NCOA1: variants seen among roughly 807,000 people sequenced by gnomAD.
NCOA1 encodes the protein Hin-2 protein.
A neutral mutation model predicts 150.9 loss-of-function variants in NCOA1; 35 were observed. The ratio of observed to expected loss-of-function variants is 0.23; its 90% confidence interval spans 0.18 to 0.31. NCOA1 has a LOEUF of 0.31. Among genes scored for constraint, NCOA1 ranks in the 10% least tolerant of loss-of-function variants. The probability of loss-of-function intolerance (pLI) is 1.00; values close to 1 mark genes in which losing one functional copy is unlikely to be tolerated. For synonymous variants in NCOA1, 590 were observed against 630.0 expected (o/e 0.94, Z 0.95); for missense variants, 1,491 against 1,749.3 (o/e 0.85, Z 2.63).
At chr2:24,512,243 TATATTA>T (rs1236893786) in intron 1 of NCOA1, among the ~76,000 whole-genome samples, 1 of 152,200 alleles carries the variant, frequency 6.6e-6, no homozygotes, top group Non-Finnish European at 1.5e-5. Flanking sequence ...ATACAATAGT[TATATTA>T]AGAAGTCTTA....
At chr2:24,614,196 A>ATTTTTTTTTTTTTTTTTTTTTT (rs1558840251) in intron 3 of NCOA1, among the ~76,000 whole-genome samples, 1 of 13,160 alleles carries the variant, frequency 7.6e-5, no homozygotes, top group African/African-American at 2.1e-4. Context: ...ATTCATTTCC[A>ATTTTTTTTTTTTTTTTTTTTTT]TTCTTTTTTT....
At chr2:24,572,899 CGTAGGTTATTGATAAGAGAT>C (rs965977478) in intron 2 of NCOA1, among the ~76,000 whole-genome samples, 3 of 151,976 alleles carry the variant, frequency 2.0e-5, no homozygotes, top group Admixed American at 1.3e-4. Flanking sequence ...TTGGGGGGCC[CGTAGGTTATTGATAAGAGAT>C]AAAACATATT....
intron 3 of NCOA1, among the ~76,000 whole-genome samples, chr2:24,616,250 C>G (rs1668867689): frequency 6.6e-6 from 1 of 152,126 alleles, no homozygotes; most frequent in Non-Finnish European, 1.5e-5. Flanking sequence ...GCACATTTCC[C>G]TTTTCCTACC....
rs1352529550 is a variant in NCOA1 at position 24,769,831 on chromosome 2, T to G, written c.*1440T>G. 4.5e-6 allele frequency: 1 copy of G among 223,312 alleles called. No homozygotes were observed. The highest frequency in any genetic ancestry group is 2.2e-5 in the African/African-American group (1 of 44,748). 13.8% of individuals were successfully genotyped at this position (223,312 alleles called of 1,614,324 possible). ...AAAGGTATTGTGGAAGAAGCAAAGGTAGACCCCCATCACTCACCTTTGTCT... is the reference window on the plus strand; with the variant it reads ...AAAGGTATTGTGGAAGAAGCAAAGGGAGACCCCCATCACTCACCTTTGTCT... On this transcript the variant is annotated 3_prime_UTR_variant, in exon 23 of 23. Coordinates refer to ENST00000348332, the MANE Select transcript of NCOA1 (RefSeq NM_003743.5).
At chr2:24,565,628 A>C (rs528030845) in intron 2 of NCOA1, among the ~76,000 whole-genome samples, 330 of 152,056 alleles carry the variant, frequency 2.2e-3, no homozygotes, top group African/African-American at 7.7e-3. Context: ...CCTTTGCCTG[A>C]GTTTTGCTTG....
chr2:24,570,108 G>T (rs184967737), intron 2 of NCOA1, among the ~76,000 whole-genome samples: 1 of 145,484 alleles, frequency 6.9e-6, no homozygotes, highest in East Asian at 2.0e-4. Context: ...AAATCAGTGA[G>T]AAGTCTTGCT....
chr2:24,563,542 A>G lies in NCOA1; in HGVS notation c.-395-753A>G, dbSNP rs190198847. Among the ~76,000 whole-genome samples the G allele has an allele frequency of 8.6e-3, 1,312 of 151,776 alleles. 23 individuals carry two copies. Among genetic ancestry groups the G allele is most frequent in the African/African-American group, 0.03 (1,234 of 41,354 alleles). ...TCTCTCTTTTTTTTTTTTTGAGACA[A>G]GATCTCACTCTTTCACCCAGGTTGG... On this transcript the variant is annotated intron_variant, in intron 1 of 22. Coordinates refer to ENST00000348332, the MANE Select transcript of NCOA1 (RefSeq NM_003743.5).
rs529646061 is a variant in NCOA1, at chr2:24,535,719, G to A, written c.-395-28576G>A. 1.4e-3 allele frequency among the ~76,000 whole-genome samples: 206 copies of A among 152,264 alleles called. 4 individuals carry two copies. The highest frequency in any genetic ancestry group is 4.7e-3 in the African/African-American group (196 of 41,550). On this transcript the variant is annotated intron_variant, in intron 1 of 22. Coordinates refer to ENST00000348332, the MANE Select transcript of NCOA1 (RefSeq NM_003743.5). ...TTCCTTCACTTATGAAGCTTAGTTTGGCTGGATATGAAATTCTGGGTTGAA... is the reference window on the plus strand; with the variant it reads ...TTCCTTCACTTATGAAGCTTAGTTTAGCTGGATATGAAATTCTGGGTTGAA...
chr2:24,696,084 C>T (rs1672888827), intron 10 of NCOA1, among the ~76,000 whole-genome samples: 2 of 152,276 alleles, frequency 1.3e-5, no homozygotes, highest in Admixed American at 6.5e-5. Context: ...ACAGTGTTCA[C>T]CAGGCTTTCC....
intron 3 of NCOA1, among the ~76,000 whole-genome samples, chr2:24,609,464 A>G (rs971915493): frequency 6.6e-6 from 1 of 152,130 alleles, no homozygotes; most frequent in African/African-American, 2.4e-5. Context: ...AAGTCATTTC[A>G]AAGAACCAGG....
intron 3 of NCOA1, among the ~76,000 whole-genome samples, chr2:24,607,414 GCA>G (rs1668419193): frequency 6.8e-6 from 1 of 146,718 alleles, no homozygotes; most frequent in South Asian, 2.2e-4. Flanking sequence ...TTGGCTGGGC[GCA>G]CGGTGGCTCA....
At chr2:24,532,488 T>G (rs1360110235) in intron 1 of NCOA1, among the ~76,000 whole-genome samples, 2 of 152,228 alleles carry the variant, frequency 1.3e-5, no homozygotes, top group East Asian at 1.9e-4. Flanking sequence ...TGGCTTTTGT[T>G]GCCATTGCTT....
chr2:24,679,201 G>A (rs953339810), intron 7 of NCOA1, among the ~76,000 whole-genome samples: 3 of 152,186 alleles, frequency 2.0e-5, no homozygotes, highest in Non-Finnish European at 4.4e-5. Context: ...GAATGCATAG[G>A]CATTTGTTGT....
chr2:24,604,246 T>G (rs1558831005), intron 3 of NCOA1, among the ~76,000 whole-genome samples: 1 of 152,220 alleles, frequency 6.6e-6, no homozygotes, highest in Non-Finnish European at 1.5e-5. Flanking sequence ...TAATTCTTAT[T>G]GGCCATAGGA....
At chr2:24,758,301 A>T in intron 21 of NCOA1, 145 bp downstream of exon 21, 3 of 677,422 alleles carry the variant, frequency 4.4e-6, no homozygotes, top group Non-Finnish European at 6.5e-6. Context: ...GGCTCTTAAG[A>T]TATACAATGA....
chr2:24,510,028 GC>G (rs1007770907), intron 1 of NCOA1, among the ~76,000 whole-genome samples: 25 of 152,194 alleles, frequency 1.6e-4, no homozygotes, highest in Admixed American at 7.2e-4. Flanking sequence ...CTTTAGGTCT[GC>G]CTGCCTGGGG....
At chr2:24,756,127 G>A (rs1053013896) in intron 20 of NCOA1, among the ~76,000 whole-genome samples, 2 of 149,334 alleles carry the variant, frequency 1.3e-5, no homozygotes, top group Non-Finnish European at 3.0e-5. Flanking sequence ...GATGGCACAC[G>A]CCTGTAATCC....
chr2:24,547,517 A>G (rs1033634525), intron 1 of NCOA1, among the ~76,000 whole-genome samples: 9 of 152,224 alleles, frequency 5.9e-5, no homozygotes, highest in African/African-American at 2.2e-4. Flanking sequence ...CTGATAAACT[A>G]TGTAGAGCAC....
chr2:24,516,186 CTTTTTTTTTT>C (rs755818385), intron 1 of NCOA1, among the ~76,000 whole-genome samples: 4 of 92,986 alleles, frequency 4.3e-5, no homozygotes, highest in African/African-American at 1.3e-4. Flanking sequence ...TAGGTTTTGC[CTTTTTTTTTT>C]TTTTTTTTTT....
Sources: allele counts gnomAD v4.1 joint callset (sites outside exome capture counted in the v4.1 genomes callset), GRCh38; gene constraint gnomAD v4.1.1; transcripts MANE v1.5; gene names NCBI Gene and HGNC (gene_info 2026-07-23, HGNC 2026-07-21).